The following SHPK variants were observed in gnomAD, a reference collection of about 807,000 sequenced individuals.
SHPK encodes sedoheptulokinase.
Under a neutral mutation model 46.3 loss-of-function variants are expected in SHPK, and 51 were observed. The observed-to-expected ratio is 1.10, with a 90% CI of 0.88 to 1.39. The LOEUF (loss-of-function observed/expected upper bound fraction) is 1.39. Ranked by LOEUF, SHPK falls within the 40% of genes most tolerant of loss-of-function variation. The pLI is 0.00. For synonymous variants in SHPK, 290 were observed against 273.9 expected (o/e 1.06, Z -0.58); for missense variants, 668 against 641.3 (o/e 1.04, Z -0.45).
intron 6 of SHPK, 81 bp downstream of exon 6, chr17:3,615,256 A>ATGAAGCTCCG (rs1178948443): frequency 7.1e-6 from 10 of 1,407,812 alleles, no homozygotes; most frequent in Non-Finnish European, 1.0e-6. Context: ...GAAACCGCAC[A>ATGAAGCTCCG]TGAAGCTCCG....
intron 1 of SHPK, 122 bp from the exon 2 acceptor site, chr17:3,630,468 T>C: frequency 1.0e-6 from 1 of 1,003,722 alleles, no homozygotes; most frequent in South Asian, 1.7e-5. Flanking sequence ...AACTTCACAG[T>C]TGAGGCACTG....
Position 3,615,454 on chromosome 17 carries a change from G to C in SHPK, c.907C>G (p.Pro303Ala). The C allele has an allele frequency of 6.8e-6, 11 of 1,614,176 alleles. No homozygotes were observed. Among genetic ancestry groups the C allele is most frequent in the Non-Finnish European group, 9.3e-6 (11 of 1,180,012 alleles). ...TTGAAGTATGGGAAGTAGGCGACTG[G>C]GGCCGTAGGGTCTGGAGTCTGTGCA... Reference protein sequence around the residue: ...QPAQTPDPTAPVAYFPYFNRT... With the variant: ...QPAQTPDPTAAVAYFPYFNRT... Residue 303 changes from proline (P) to alanine (A), a missense_variant, in exon 6 of 7, where the codon CCA becomes GCA. Transcript: ENST00000225519.
intron 4 of SHPK, among the ~76,000 whole-genome samples, 158 bp downstream of exon 4, chr17:3,623,181 C>T (rs1478851847): frequency 6.6e-6 from 1 of 152,156 alleles, no homozygotes; most frequent in Non-Finnish European, 1.5e-5. Context: ...CCCATCCATG[C>T]CCCGTGTCTG....
intron 5 of SHPK, chr17:3,619,316 A>C: frequency 9.4e-7 from 1 of 1,067,016 alleles, no homozygotes; most frequent in Non-Finnish European, 1.4e-6. Flanking sequence ...TGATCAGTCC[A>C]CCACAGTTAC....
At position 3,610,547 on chromosome 17, in the gene SHPK, AAG is replaced by A. The variant is rs1379278305; in HGVS notation, c.*11_*12del. On this transcript the variant is annotated 3_prime_UTR_variant, in exon 7 of 7. Coordinates refer to ENST00000225519, the MANE Select transcript of SHPK (RefSeq NM_013276.4). ...AAAATTCACAGCAGTCGTTTGGCGA[AAG>A]AGTTTGCTGTCTAAGATTCCTTCTG... is the stretch of plus-strand genomic sequence containing the variant. 1.3e-6 allele frequency: 2 copies of A among 1,584,372 alleles called. No individual in the cohort carries two copies. Among genetic ancestry groups the A allele is most frequent in the Non-Finnish European group, 8.6e-7 (1 of 1,160,204 alleles).
At position 3,610,532 on chromosome 17, in the gene SHPK, G is replaced by A; in HGVS notation, c.*28C>T. On this transcript the variant is annotated 3_prime_UTR_variant, in exon 7 of 7. Transcript: ENST00000225519. ...GAATGTTAATCAGGTAAAATTCACA[G>A]CAGTCGTTTGGCGAAAGAGTTTGCT... 6.4e-7 allele frequency: 1 copy of A among 1,568,446 alleles called. No homozygotes were observed. The highest frequency in any genetic ancestry group is 1.2e-5 in the South Asian group (1 of 85,428).
chr17:3,615,778 G>C (rs1188371630), intron 5 of SHPK, among the ~76,000 whole-genome samples: 1 of 152,090 alleles, frequency 6.6e-6, no homozygotes, highest in Non-Finnish European at 1.5e-5. Flanking sequence ...GGCACTGAGA[G>C]AGGGTGGGGT....
At chr17:3,634,571 C>CA (rs11311796) in intron 1 of SHPK, among the ~76,000 whole-genome samples, 26,014 of 89,670 alleles carry the variant, frequency 0.29, 3,318 homozygotes, top group East Asian at 0.45. Context: ...GACCCTGTCT[C>CA]AAAAAAAAAA....
At chr17:3,616,799 C>T (rs1219715594) in intron 5 of SHPK, among the ~76,000 whole-genome samples, 1 of 152,178 alleles carries the variant, frequency 6.6e-6, no homozygotes, top group Non-Finnish European at 1.5e-5. Context: ...AGTGCAATGG[C>T]GCGATCTTCG....
In SHPK at chr17:3,610,779, A is replaced by G. The variant is rs763464205; in HGVS notation, c.1218T>C (p.Ile406=). 1 of 1,614,124 alleles carries G rather than the reference A, an allele frequency of 6.2e-7. No individual in the cohort carries two copies. Among genetic ancestry groups the G allele is most frequent in the South Asian group, 1.1e-5 (1 of 91,072 alleles). Residue 406 remains isoleucine, a synonymous_variant, in exon 7 of 7, where the codon ATT becomes ATC. Transcript: ENST00000225519. ...GHVTRALCRG[I]VQNLHSMLPI... ...GAAGCATGGAGTGCAGGTTCTGAAC[A>G]ATGCCTCGGCACAGAGCCCGGGTCA...
At chr17:3,617,688 C>T (rs2075377219) in intron 5 of SHPK, among the ~76,000 whole-genome samples, 1 of 152,074 alleles carries the variant, frequency 6.6e-6, no homozygotes, top group Non-Finnish European at 1.5e-5. Context: ...TTCCAAACAC[C>T]TCAGAAACAA....
intron 5 of SHPK, among the ~76,000 whole-genome samples, chr17:3,616,631 C>A (rs1472203756): frequency 6.6e-6 from 1 of 152,214 alleles, no homozygotes; most frequent in Non-Finnish European, 1.5e-5. Flanking sequence ...AAAACTATGA[C>A]AGGGTAAGAC....
intron 1 of SHPK, among the ~76,000 whole-genome samples, chr17:3,631,774 G>A (rs973081597): frequency 4.0e-5 from 6 of 151,618 alleles, no homozygotes; most frequent in South Asian, 2.1e-4. Flanking sequence ...CACCCACCTC[G>A]GCCTCCCAAA....
chr17:3,614,717 G>A (rs879604411), intron 6 of SHPK, among the ~76,000 whole-genome samples: 11 of 150,702 alleles, frequency 7.3e-5, no homozygotes, highest in South Asian at 2.1e-4. Context: ...GCGTGGTGGC[G>A]CATGCCTGTA....
intron 2 of SHPK, among the ~76,000 whole-genome samples, chr17:3,625,920 G>A (rs2075432664): frequency 6.6e-6 from 1 of 152,198 alleles, no homozygotes. Flanking sequence ...AGGTGTGGTA[G>A]CGGGTGCCTG....
In SHPK at chr17:3,624,078, C is replaced by G. The variant is rs1219647049; in HGVS notation, c.464G>C (p.Cys155Ser). Reference sequence around the variant, plus strand: ...TTTCAAAAGCCAGAAGATGGTTGCACAGCCGAAGCCCGTGGCCACACTGAG... The same window carrying G: ...TTTCAAAAGCCAGAAGATGGTTGCAGAGCCGAAGCCCGTGGCCACACTGAG... ...SHLSVATGFG[C>S]ATIFWLLKYR... The change falls in exon 3 of 7, where the codon TGT becomes TCT. Residue 155 changes from cysteine to serine, a missense_variant. Coordinates refer to ENST00000225519, the MANE Select transcript of SHPK (RefSeq NM_013276.4). 2 of 1,609,670 alleles carry G rather than the reference C, an allele frequency of 1.2e-6. No homozygotes were observed. The highest frequency in any genetic ancestry group is 1.7e-6 in the Non-Finnish European group (2 of 1,176,628).
At chr17:3,618,015 T>C (rs1281059979) in intron 5 of SHPK, among the ~76,000 whole-genome samples, 1 of 152,236 alleles carries the variant, frequency 6.6e-6, no homozygotes, top group Non-Finnish European at 1.5e-5. Flanking sequence ...AAATACTTTA[T>C]GAAAATTTCC....
chr17:3,623,686 C>T lies in SHPK; in HGVS notation c.495-195G>A, dbSNP rs527912461. Among the ~76,000 whole-genome samples, 7 of 152,310 alleles carry T rather than the reference C, an allele frequency of 4.6e-5. 1 individual carries two copies. The East Asian group carries it at 1.4e-3, about 29-fold the overall frequency. On this transcript the variant is annotated intron_variant, in intron 3 of 6. Coordinates refer to ENST00000225519, the MANE Select transcript of SHPK (RefSeq NM_013276.4). ...TGCCCCAAGCAAAGCCAGCCTAAGTCAGCCCCAGGGGAAGGGCCTGAGAGG... is the reference window on the plus strand; with the variant it reads ...TGCCCCAAGCAAAGCCAGCCTAAGTTAGCCCCAGGGGAAGGGCCTGAGAGG...
In SHPK at chr17:3,630,183, A is replaced by C. The variant is rs762409483; in HGVS notation, c.310+22T>G. The C allele has an allele frequency of 6.2e-6, 10 of 1,613,814 alleles. No homozygotes were observed. The South Asian group carries it at 1.1e-4, about 18-fold the overall frequency. On this transcript the variant is annotated intron_variant, in intron 2 of 6. Coordinates refer to ENST00000225519, the MANE Select transcript of SHPK (RefSeq NM_013276.4). ...TGGAAGTGACTGCTACCAGCCTGAG[A>C]GCATCCCCGAGCCCAGCATACCTTG...
Sources: gnomAD v4.1 joint callset for allele counts (sites outside exome capture counted in the v4.1 genomes callset) on GRCh38, gnomAD v4.1.1 for gene constraint, MANE v1.5 for transcripts, NCBI Gene and HGNC (gene_info 2026-07-23, HGNC 2026-07-21) for gene names.